EVI5: variants seen among roughly 807,000 people sequenced by gnomAD.
The protein encoded by EVI5 is ecotropic viral integration site 5 protein homolog.
A neutral mutation model predicts 112.0 loss-of-function variants in EVI5; 73 were observed. The observed-to-expected ratio is 0.65, with a 90% CI of 0.54 to 0.79. EVI5 has a LOEUF of 0.79. Among genes scored for constraint, EVI5 ranks in the 30% least tolerant of loss-of-function variants. The probability of loss-of-function intolerance (pLI) is 0.00; values close to 1 mark genes in which losing one functional copy is unlikely to be tolerated. For missense variants in EVI5, 900 were observed against 968.8 expected, an observed-to-expected ratio of 0.93 and a Z score of 0.94; for synonymous variants, 305 against 319.9, an observed-to-expected ratio of 0.95 and a Z score of 0.50.
At chr1:92,559,910 TG>T (rs1421219678) in intron 19 of EVI5, among the ~76,000 whole-genome samples, 1 of 152,146 alleles carries the variant, frequency 6.6e-6, no homozygotes, top group Non-Finnish European at 1.5e-5. Flanking sequence ...ATGCCATCAT[TG>T]TTCTATATAC....
intron 19 of EVI5, among the ~76,000 whole-genome samples, chr1:92,550,263 C>T (rs572805021): frequency 3.8e-4 from 55 of 145,742 alleles, no homozygotes; most frequent in Non-Finnish European, 6.5e-4. Context: ...AGCCAAACAC[C>T]GTATGTTCTC....
Position 92,704,585 on chromosome 1 carries a change from A to G in EVI5, c.309T>C (p.Asp103=). The G allele has an allele frequency of 3.2e-6, 5 of 1,584,460 alleles. No homozygotes were observed. Among genetic ancestry groups the G allele is most frequent in the South Asian group, 1.2e-5 (1 of 85,544 alleles). The part of the protein sequence containing the change: ...LWGRIVNEWE[D]VRKKKEKQVK... ...CTTGCTTTTCCTTCTTTTTGCGTAC[A>G]TCTTCCCATTCATTAACAATTCTTC... Residue 103 remains aspartate, a synonymous_variant, in exon 3 of 20, where the codon GAT becomes GAC. Coordinates refer to ENST00000684568, the MANE Select transcript of EVI5 (RefSeq NM_001350197.2).
At chr1:92,639,178 T>A (rs529994420) in intron 13 of EVI5, among the ~76,000 whole-genome samples, 3 of 152,158 alleles carry the variant, frequency 2.0e-5, no homozygotes, top group Non-Finnish European at 4.4e-5. Flanking sequence ...CCCATTCCAA[T>A]GAAACTGACA....
intron 16 of EVI5, among the ~76,000 whole-genome samples, chr1:92,609,240 T>A (rs1651172756): frequency 6.6e-6 from 1 of 152,230 alleles, no homozygotes; most frequent in South Asian, 2.1e-4. Context: ...AGTTATTTAA[T>A]CCTACCAAAT....
chr1:92,589,199 G>C (rs140904809), intron 18 of EVI5, among the ~76,000 whole-genome samples: 2 of 152,314 alleles, frequency 1.3e-5, no homozygotes, highest in African/African-American at 4.8e-5. Flanking sequence ...TGATGCAGAA[G>C]ATGAAAGATT....
chr1:92,728,451 G>A (rs760768309), intron 2 of EVI5, among the ~76,000 whole-genome samples: 47 of 151,812 alleles, frequency 3.1e-4, no homozygotes, highest in Middle Eastern at 6.8e-3. Context: ...ACAGAGGCGC[G>A]ATCTCTGCTC....
At chr1:92,674,953 A>C (rs1412925887) in intron 10 of EVI5, among the ~76,000 whole-genome samples, 1 of 152,196 alleles carries the variant, frequency 6.6e-6, no homozygotes, top group African/African-American at 2.4e-5. Flanking sequence ...TCTATAGACA[A>C]TTTTATGCCA....
chr1:92,559,568 T>C (rs1232334871), intron 19 of EVI5, among the ~76,000 whole-genome samples: 1 of 151,706 alleles, frequency 6.6e-6, no homozygotes, highest in Admixed American at 6.6e-5. Flanking sequence ...GGTTAGGAGT[T>C]CGAGACCAGC....
intron 18 of EVI5, among the ~76,000 whole-genome samples, chr1:92,576,999 G>C (rs994460832): frequency 6.6e-6 from 1 of 152,118 alleles, no homozygotes; most frequent in Non-Finnish European, 1.5e-5. Context: ...AATAAGTGCT[G>C]AGTGCCACAA....
chr1:92,624,221 T>C lies in EVI5; in HGVS notation c.1782A>G (p.Ala594=). The C allele has an allele frequency of 6.2e-7, 1 of 1,613,940 alleles. No individual in the cohort carries two copies. Among genetic ancestry groups the C allele is most frequent in the South Asian group, 1.1e-5 (1 of 91,082 alleles). Residue 594 remains alanine (A), a synonymous_variant, in exon 16 of 20, where the codon GCA becomes GCG. Transcript: ENST00000684568. The part of the protein sequence containing the change: ...TIRLREAETQ[A]EIREIKQRMM... ...TCCTTTGTTTTATTTCTCTTATTTC[T>C]GCTTGTGTTTCAGCTTCTCTAAGTC...
intron 2 of EVI5, among the ~76,000 whole-genome samples, chr1:92,719,410 G>A (rs1446689492): frequency 6.6e-6 from 1 of 151,854 alleles, no homozygotes; most frequent in Non-Finnish European, 1.5e-5. Context: ...ATCAATAAAC[G>A]TAATCCATCA....
At chr1:92,629,188 A>T (rs1656338312) in intron 14 of EVI5, among the ~76,000 whole-genome samples, 1 of 152,220 alleles carries the variant, frequency 6.6e-6, no homozygotes, top group South Asian at 2.1e-4. Context: ...TTTTTTTCTC[A>T]ACAAATCGAG....
At chr1:92,522,337 G>A (rs2101735302) in intron 19 of EVI5, among the ~76,000 whole-genome samples, 1 of 152,152 alleles carries the variant, frequency 6.6e-6, no homozygotes, top group South Asian at 2.1e-4. Context: ...CCAGAAAGGT[G>A]GCTAAGAATT....
At chr1:92,780,892 C>T (rs1684777370) in intron 1 of EVI5, among the ~76,000 whole-genome samples, 2 of 151,092 alleles carry the variant, frequency 1.3e-5, no homozygotes, top group Non-Finnish European at 1.5e-5. Flanking sequence ...CACTCTGTCG[C>T]CCAGGCTAGA....
At chr1:92,684,459 T>C (rs1210896300) in intron 9 of EVI5, among the ~76,000 whole-genome samples, 1 of 152,178 alleles carries the variant, frequency 6.6e-6, no homozygotes, top group African/African-American at 2.4e-5. Flanking sequence ...TGACAAATTG[T>C]AAAGACCAGT....
At chr1:92,705,889 C>T (rs1263292659) in intron 2 of EVI5, among the ~76,000 whole-genome samples, 1 of 152,072 alleles carries the variant, frequency 6.6e-6, no homozygotes, top group African/African-American at 2.4e-5. Flanking sequence ...ATTATACAAC[C>T]ACCCTTTGAG....
intron 1 of EVI5, among the ~76,000 whole-genome samples, chr1:92,761,394 T>C (rs964034481): frequency 2.0e-5 from 3 of 152,218 alleles, no homozygotes; most frequent in Admixed American, 6.5e-5. Context: ...ACAGTTCTTT[T>C]CTTATTTGCC....
chr1:92,752,669 C>A (rs746341932), intron 1 of EVI5, among the ~76,000 whole-genome samples: 52 of 152,074 alleles, frequency 3.4e-4, no homozygotes, highest in Non-Finnish European at 5.9e-4. Context: ...GCAGCACAGC[C>A]CTGTTTTCCT....
At position 92,695,359 on chromosome 1, in the gene EVI5, G is replaced by C. The variant is rs200758588; in HGVS notation, c.860C>G (p.Thr287Ser). ...SSWFLTIFLT[T>S]FPLPIATRIF... The stretch of plus-strand genomic sequence containing the variant: ...CCTTGTTGCAATTGGTAGTGGAAAA[G>C]TTGTAAGAAAGATAGTCAGAAACCA... Residue 287 changes from threonine to serine, a missense_variant, in exon 7 of 20, where the codon ACT (threonine) becomes AGT (serine). Thr to Ser is a moderately conservative substitution (Grantham distance 58). Transcript: ENST00000684568. 4 of 1,610,122 alleles carry C rather than the reference G, an allele frequency of 2.5e-6. No individual in the cohort carries two copies. In the Admixed American group the frequency reaches 6.7e-5, roughly 27 times the overall value.
Sources: gnomAD v4.1 joint callset for allele counts (sites outside exome capture counted in the v4.1 genomes callset) on GRCh38, gnomAD v4.1.1 for gene constraint, MANE v1.5 for transcripts, NCBI Gene and HGNC (gene_info 2026-07-23, HGNC 2026-07-21) for gene names.